The following DYNC1H1 variants were observed in gnomAD, a reference collection of about 807,000 sequenced individuals.
The protein encoded by DYNC1H1 is cytoplasmic dynein 1 heavy chain 1.
A neutral mutation model predicts 527.1 loss-of-function variants in DYNC1H1; 51 were observed. The ratio of observed to expected loss-of-function variants is 0.10; its 90% CI spans 0.08 to 0.12. The LOEUF (loss-of-function observed/expected upper bound fraction) is 0.12. Ranked by LOEUF, DYNC1H1 falls within the 10% of genes least tolerant of loss-of-function variation. The pLI, the probability that DYNC1H1 is intolerant of heterozygous loss-of-function variation, is 1.00. For missense variants in DYNC1H1, 2,771 were observed against 5,971.8 expected, an observed-to-expected ratio of 0.46 and a Z score of 17.66; for synonymous variants, 2,189 against 2,278.8, an observed-to-expected ratio of 0.96 and a Z score of 1.12.
intron 56 of DYNC1H1, chr14:102,035,463 T>C (rs113178986): frequency 4.6e-5 from 7 of 152,372 alleles, no homozygotes; most frequent in African/African-American, 1.7e-4. Flanking sequence ...AATCAATCAG[T>C]ACAGCCTGTG....
At chr14:102,008,065 A>T (rs1311619015) in intron 28 of DYNC1H1, 113 bp from the exon 29 acceptor site, 10 of 1,505,796 alleles carry the variant, frequency 6.6e-6, no homozygotes, top group Non-Finnish European at 9.1e-6. Flanking sequence ...TCTTTCGCTA[A>T]AGACAAACCC....
chr14:102,032,631 T>C, intron 52 of DYNC1H1, 164 bp downstream of exon 52: 1 of 915,706 alleles, frequency 1.1e-6, no homozygotes. Flanking sequence ...GCAGGTGAAG[T>C]GCTTGAGCCT....
In DYNC1H1 at chr14:101,979,431, A is replaced by G. The variant is rs140905741; in HGVS notation, c.457A>G (p.Ile153Val). ...GCCCTACGAAACTTTGCATTCTTTC[A>G]TTAGCAATGCAGTGGCTCCTTTTTT... is the stretch of plus-strand genomic sequence containing the variant. ...DSPYETLHSF[I>V]SNAVAPFFKS... The change falls in exon 3 of 78, where the codon ATT (isoleucine) becomes GTT (valine). Residue 153 changes from isoleucine (I) to valine (V), a missense_variant. Ile to Val is a conservative substitution (Grantham distance 29, BLOSUM62 3). Coordinates refer to ENST00000360184, the MANE Select transcript of DYNC1H1 (RefSeq NM_001376.5). The surrounding 1 kb of genome is among the most constrained non-coding windows in gnomAD (Gnocchi z 4.6). The G allele has an allele frequency of 1.0e-4, 164 of 1,614,072 alleles. No individual in the cohort carries two copies. Among genetic ancestry groups the G allele is most frequent in the Admixed American group, 7.2e-4 (43 of 60,000 alleles).
rs2152578289 is a variant in DYNC1H1, at chr14:102,010,972, T to C, written c.6618+20T>C. 1.9e-6 allele frequency: 3 copies of C among 1,613,632 alleles called. No homozygotes were observed. Among genetic ancestry groups the C allele is most frequent in the South Asian group, 2.2e-5 (2 of 91,062 alleles). ...GAAAAGGTAACTTGGATTGTTTCACTGGCCACTGCCCTCACAGACCCTGCT... is the reference window on the plus strand; with the variant it reads ...GAAAAGGTAACTTGGATTGTTTCACCGGCCACTGCCCTCACAGACCCTGCT... On this transcript the variant is annotated intron_variant, in intron 32 of 77. Transcript: ENST00000360184. The surrounding 1 kb of genome is among the most constrained non-coding windows in gnomAD (Gnocchi z 6.0).
Position 102,001,555 on chromosome 14 carries a change from T to A in DYNC1H1, c.4416T>A (p.Thr1472=), listed in dbSNP as rs778296023. 8.7e-6 allele frequency: 14 copies of A among 1,614,052 alleles called. No individual in the cohort carries two copies. The highest frequency in any genetic ancestry group is 1.2e-5 in the Non-Finnish European group (14 of 1,180,048). Residue 1472 remains threonine, a synonymous_variant, in exon 21 of 78, where the codon ACT becomes ACA. Transcript: ENST00000360184. This position sits in a 1 kb window ranked among gnomAD's most constrained non-coding sequence, Gnocchi z 5.0. The stretch of plus-strand genomic sequence containing the variant: ...TTCAGATAAGAGAAGTGTGGAATAC[T>A]TATGAACTAGACTTGGTTAATTATC... ...FLKQIREVWN[T]YELDLVNYQN...
chr14:102,048,985 G>T, intron 74 of DYNC1H1: 1 of 450,356 alleles, frequency 2.2e-6, no homozygotes, highest in Non-Finnish European at 4.1e-6. Context: ...GACGGTAGTA[G>T]GTTACGGCCT....
chr14:101,965,312 G>A lies in DYNC1H1; in HGVS notation c.256+365G>A, dbSNP rs2047653495. Among the ~76,000 whole-genome samples, 1 of 152,244 alleles carries A rather than the reference G, an allele frequency of 6.6e-6. No homozygotes were observed. The highest frequency in any genetic ancestry group is 1.5e-5 in the Non-Finnish European group (1 of 68,046). On this transcript the variant is annotated intron_variant, in intron 1 of 77. Coordinates refer to ENST00000360184, the MANE Select transcript of DYNC1H1 (RefSeq NM_001376.5). The surrounding 1 kb of genome is among the most constrained non-coding windows in gnomAD (Gnocchi z 4.1). ...CCTCTCAAGATGGCCGAGTTGGGTGGAGACAGCGTCTCCCTGGGCTGAGAG... is the reference window on the plus strand; with the variant it reads ...CCTCTCAAGATGGCCGAGTTGGGTGAAGACAGCGTCTCCCTGGGCTGAGAG...
Position 102,049,978 on chromosome 14 carries a change from T to A in DYNC1H1, c.13685-93T>A. On this transcript the variant is annotated intron_variant, in intron 76 of 77. Coordinates refer to ENST00000360184, the MANE Select transcript of DYNC1H1 (RefSeq NM_001376.5). The surrounding 1 kb of genome is among the most constrained non-coding windows in gnomAD (Gnocchi z 5.5). Reference sequence around the variant, plus strand: ...GATACATGCACTTAGGGTGACCGGCTGGCAGTTGGGTGGAGCCTCTGGGCG... The same window carrying A: ...GATACATGCACTTAGGGTGACCGGCAGGCAGTTGGGTGGAGCCTCTGGGCG... 1 of 1,613,920 alleles carries A rather than the reference T, an allele frequency of 6.2e-7. No individual in the cohort carries two copies. Among genetic ancestry groups the A allele is most frequent in the Non-Finnish European group, 8.5e-7 (1 of 1,179,898 alleles).
chr14:102,050,465 C>G lies in DYNC1H1; in HGVS notation c.13843C>G (p.Arg4615Gly). The change falls in exon 78 of 78, where the codon CGT becomes GGT. Residue 4615 changes from arginine (R) to glycine (G), a missense_variant. By Grantham distance (125) the Arg-to-Gly change is moderately radical. Around this residue, in one of 32 missense-constraint regions of DYNC1H1, gnomAD observed 106 missense variants for 139.2 expected, o/e 0.76. Transcript: ENST00000360184. Reference sequence around the variant, plus strand: ...CTTACCTGTCTACCTGAACTTCACCCGTGCAGACCTCATCTTCACCGTGGA... The same window carrying G: ...CTTACCTGTCTACCTGAACTTCACCGGTGCAGACCTCATCTTCACCGTGGA... ...VTLPVYLNFTRADLIFTVDFE... is the reference protein window; with the variant it reads ...VTLPVYLNFTGADLIFTVDFE... The G allele has an allele frequency of 6.2e-7, 1 of 1,614,202 alleles. No individual in the cohort carries two copies. Among genetic ancestry groups the G allele is most frequent in the Non-Finnish European group, 8.5e-7 (1 of 1,180,050 alleles).
At chr14:101,989,765 T>C (rs1053113988) in intron 10 of DYNC1H1, among the ~76,000 whole-genome samples, 1 of 152,208 alleles carries the variant, frequency 6.6e-6, no homozygotes, top group African/African-American at 2.4e-5. Context: ...GAGCATACTT[T>C]TTAAAATACC....
Position 102,051,002 on chromosome 14 carries a change from T to G in DYNC1H1, c.*439T>G. The G allele has an allele frequency of 3.6e-6, 1 of 279,448 alleles. No homozygotes were observed. The highest frequency in any genetic ancestry group is 3.8e-5 in the South Asian group (1 of 26,242). 17.3% of individuals were successfully genotyped at this position (279,448 alleles called of 1,614,324 possible). On this transcript the variant is annotated 3_prime_UTR_variant, in exon 78 of 78. Coordinates refer to ENST00000360184, the MANE Select transcript of DYNC1H1 (RefSeq NM_001376.5). ...CAGCCAGCTGTGGCTCTGAAGGCCC[T>G]GGGGCCCGGGCACCATGGTTCACAC...
In DYNC1H1 at chr14:102,049,928, C is replaced by T. The variant is rs1314783656; in HGVS notation, c.13684+46C>T. 7 of 1,613,380 alleles carry T rather than the reference C, an allele frequency of 4.3e-6. No homozygotes were observed. Among genetic ancestry groups the T allele is most frequent in the Non-Finnish European group, 5.9e-6 (7 of 1,179,890 alleles). On this transcript the variant is annotated intron_variant, in intron 76 of 77. Coordinates refer to ENST00000360184, the MANE Select transcript of DYNC1H1 (RefSeq NM_001376.5). The surrounding 1 kb of genome is among the most constrained non-coding windows in gnomAD (Gnocchi z 5.5). ...AATACTGGCTCTTTGCAGGTGACCT[C>T]GGTGGCCTGAGACCATTGTTCCCAG... is the stretch of plus-strand genomic sequence containing the variant.
intron 41 of DYNC1H1, among the ~76,000 whole-genome samples, chr14:102,019,138 A>G (rs1295956199): frequency 6.6e-6 from 1 of 152,228 alleles, no homozygotes; most frequent in Non-Finnish European, 1.5e-5. Flanking sequence ...AAATAGAGCC[A>G]TACAGTTTCT....
Position 102,034,320 on chromosome 14 carries a change from T to G in DYNC1H1, c.10627-5T>G. 1 of 1,614,228 alleles carries G rather than the reference T, an allele frequency of 6.2e-7. No individual in the cohort carries two copies. Among genetic ancestry groups the G allele is most frequent in the Non-Finnish European group, 8.5e-7 (1 of 1,180,044 alleles). On this transcript the variant is annotated splice_region_variant and splice_polypyrimidine_tract_variant and intron_variant, in intron 55 of 77. Transcript: ENST00000360184. ...AGGAGGAAAGGTAACGGCCTTGCCTTTCAGTTCCGTACAGATATTGCCAGG... is the reference window on the plus strand; with the variant it reads ...AGGAGGAAAGGTAACGGCCTTGCCTGTCAGTTCCGTACAGATATTGCCAGG...
At chr14:101,972,733 G>T (rs991443878) in intron 1 of DYNC1H1, among the ~76,000 whole-genome samples, 1 of 152,186 alleles carries the variant, frequency 6.6e-6, no homozygotes, top group Middle Eastern at 3.2e-3. Context: ...AAATGATTCA[G>T]AGTTAACAAG....
intron 1 of DYNC1H1, among the ~76,000 whole-genome samples, chr14:101,966,214 A>G (rs1281539183): frequency 6.6e-6 from 1 of 152,230 alleles, no homozygotes. Context: ...GGCTATTCTT[A>G]CTCAGAAGAT....
Position 102,041,482 on chromosome 14 carries a change from A to G in DYNC1H1, c.11942-92A>G. The G allele has an allele frequency of 6.3e-7, 1 of 1,590,180 alleles. No homozygotes were observed. The highest frequency in any genetic ancestry group is 1.1e-5 in the South Asian group (1 of 90,116). On this transcript the variant is annotated intron_variant, in intron 64 of 77. Coordinates refer to ENST00000360184, the MANE Select transcript of DYNC1H1 (RefSeq NM_001376.5). The surrounding 1 kb of genome is among the most constrained non-coding windows in gnomAD (Gnocchi z 4.5). ...ATCCTGAAATGCTGAGCATTTGCTG[A>G]GTGGGTACTTTGGGAAGAACAGTCC...
intron 64 of DYNC1H1, 80 bp downstream of exon 64, chr14:102,040,753 A>G (rs2048639880): frequency 1.3e-6 from 2 of 1,523,324 alleles, no homozygotes; most frequent in Non-Finnish European, 1.8e-6. Flanking sequence ...TTCAAAAAAC[A>G]CAAAGTTACT....
At position 102,018,305 on chromosome 14, in the gene DYNC1H1, C is replaced by T. The variant is rs534933565; in HGVS notation, c.8178-146C>T. On this transcript the variant is annotated intron_variant, in intron 40 of 77. Coordinates refer to ENST00000360184, the MANE Select transcript of DYNC1H1 (RefSeq NM_001376.5). This position sits in a 1 kb window ranked among gnomAD's most constrained non-coding sequence, Gnocchi z 5.2. ...AGCCTGAGCAGCGTGTGTGTGATCT[C>T]AGCTAACACTGATGTCAAGTCTGCA... is the stretch of plus-strand genomic sequence containing the variant. The T allele has an allele frequency of 1.1e-3, 1,291 of 1,147,362 alleles. 3 individuals are homozygous for T. The highest frequency in any genetic ancestry group is 1.9e-3 in the South Asian group (127 of 68,614). The allele number at this position is 1,147,362 out of a possible 1,614,324, so 71.1% of individuals were successfully genotyped here.
Sources: gnomAD v4.1 joint callset for allele counts (sites outside exome capture counted in the v4.1 genomes callset) on GRCh38, gnomAD v4.1.1 for gene constraint, gnomAD v4.1.1 regional missense constraint, Gnocchi (gnomAD v3.1) non-coding constraint, MANE v1.5 for transcripts, NCBI Gene and HGNC (gene_info 2026-07-23, HGNC 2026-07-21) for gene names.